Variants in CSF3R observed in about 807,000 individuals in gnomAD.
The protein encoded by CSF3R is colony stimulating factor 3 receptor.
In CSF3R, 52 loss-of-function variants were observed where a neutral mutation model predicts 84.4. The observed-to-expected ratio is 0.62, with a 90% CI of 0.49 to 0.78. CSF3R has a LOEUF of 0.78. Among genes scored for constraint, CSF3R ranks in the 30% least tolerant of loss-of-function variants. CSF3R has a pLI of 0.00. For synonymous variants in CSF3R, 384 were observed against 429.1 expected (o/e 0.89, Z 1.30); for missense variants, 890 against 1,055.7 (o/e 0.84, Z 2.17).
chr1:36,468,273 C>T lies in CSF3R; in HGVS notation c.1577-52G>A, dbSNP rs771115263. On this transcript the variant is annotated intron_variant, in intron 12 of 16. Transcript: ENST00000373106. ...TGAAGGGAGTGGGGCAGAGCAAGAGCCCGGTTGGACTTCTTGTGGCTTCCC... is the reference window on the plus strand; with the variant it reads ...TGAAGGGAGTGGGGCAGAGCAAGAGTCCGGTTGGACTTCTTGTGGCTTCCC... 4.6e-6 allele frequency: 7 copies of T among 1,514,992 alleles called. No homozygotes were observed. The East Asian group carries it at 6.8e-5, about 15-fold the overall frequency. The allele number at this position is 1,514,992 out of a possible 1,614,324, so 93.8% of individuals were successfully genotyped here. A position where few individuals can be genotyped will look rare whatever the true frequency, so the allele number is the denominator to read the frequency against.
chr1:36,471,634 C>G lies in CSF3R; in HGVS notation c.1084G>C (p.Glu362Gln). ...CCTTGGATCCGTCCGCTGTCTTCCT[C>G]CAGGGGCACTGGCTGTGGGGCACAG... ...VQLFWKPVPL[E>Q]EDSGRIQGYV... The change falls in exon 10 of 17, where the codon GAG (glutamate) becomes CAG (glutamine). Residue 362 changes from glutamate (E) to glutamine (Q), a missense_variant. Glu to Gln is a conservative substitution (Grantham distance 29, BLOSUM62 2). Transcript: ENST00000373106. 6.2e-7 allele frequency: 1 copy of G among 1,614,162 alleles called. No individual in the cohort carries two copies. Among genetic ancestry groups the G allele is most frequent in the Non-Finnish European group, 8.5e-7 (1 of 1,180,030 alleles).
At chr1:36,469,601 C>T (rs754914504) in intron 11 of CSF3R, 51 bp downstream of exon 11, 1 of 1,604,642 alleles carries the variant, frequency 6.2e-7, no homozygotes, top group African/African-American at 1.3e-5. Context: ...GTCAGATAAG[C>T]ACTGCCTCCC....
rs199774481 is a variant in CSF3R at position 36,469,759 on chromosome 1, G to C, written c.1367C>G (p.Pro456Arg). 1 of 1,614,204 alleles carries C rather than the reference G, an allele frequency of 6.2e-7. No individual in the cohort carries two copies. Among genetic ancestry groups the C allele is most frequent in the Non-Finnish European group, 8.5e-7 (1 of 1,180,026 alleles). Residue 456 changes from proline to arginine, a missense_variant, in exon 11 of 17, where the codon CCT becomes CGT. Physicochemically the swap from Pro to Arg is moderately radical, Grantham distance 103 (BLOSUM62 -2). Coordinates refer to ENST00000373106, the MANE Select transcript of CSF3R (RefSeq NM_000760.4). ...WVGWEPPNPW[P>R]QGYVIEWGLG... ...GCCCCACTCAATCACATAGCCCTGA[G>C]GCCATGGATTGGGGGGCTCCCAGCC...
At position 36,466,196 on chromosome 1, in the gene CSF3R, C is replaced by T. The variant is rs772443391; in HGVS notation, c.*161G>A. 67 of 1,614,120 alleles carry T rather than the reference C, an allele frequency of 4.2e-5. No homozygotes were observed. The highest frequency in any genetic ancestry group is 5.6e-5 in the Non-Finnish European group (66 of 1,180,026). On this transcript the variant is annotated 3_prime_UTR_variant, in exon 17 of 17. Coordinates refer to ENST00000373106, the MANE Select transcript of CSF3R (RefSeq NM_000760.4). This position sits in a 1 kb window ranked among gnomAD's most constrained non-coding sequence, Gnocchi z 4.6. ...AAAGTATGCAGATCGCCTGGGAGGC[C>T]CAGCCTATGGAGATTGGGAGGAGAG...
rs150616658 is a variant in CSF3R at position 36,472,663 on chromosome 1, G to T, written c.697C>A (p.Arg233=). The T allele has an allele frequency of 1.2e-6, 2 of 1,604,814 alleles. No individual in the cohort carries two copies. The highest frequency in any genetic ancestry group is 8.5e-7 in the Non-Finnish European group (1 of 1,174,608). The change falls in exon 7 of 17, where the codon CGG becomes AGG. Residue 233 remains arginine (R), a synonymous_variant. Transcript: ENST00000373106. The surrounding 1 kb of genome is among the most constrained non-coding windows in gnomAD (Gnocchi z 5.0). ...GCTTCAGGGCTGGGGTCCATGGTCC[G>T]CAGCATGGGGGGCTCCAGTTTCACT... The part of the protein sequence containing the change: ...DVVKLEPPML[R]TMDPSPEAAP...
At position 36,472,938 on chromosome 1, in the gene CSF3R, A is replaced by G; in HGVS notation, c.674-252T>C. 1.9e-6 allele frequency: 1 copy of G among 519,752 alleles called. No homozygotes were observed. The highest frequency in any genetic ancestry group is 3.3e-5 in the East Asian group (1 of 30,490). The allele number at this position is 519,752 out of a possible 1,614,324, so 32.2% of individuals were successfully genotyped here. On this transcript the variant is annotated intron_variant, in intron 6 of 16. Coordinates refer to ENST00000373106, the MANE Select transcript of CSF3R (RefSeq NM_000760.4). This position sits in a 1 kb window ranked among gnomAD's most constrained non-coding sequence, Gnocchi z 5.0. ...CAGATATCCAGCGGCTTGCTCCCTCATTTCCTTCAAGGATCTGCTCAATTG... is the reference window on the plus strand; with the variant it reads ...CAGATATCCAGCGGCTTGCTCCCTCGTTTCCTTCAAGGATCTGCTCAATTG...
chr1:36,467,685 T>G lies in CSF3R; in HGVS notation c.1865-34A>C. ...AGGGCAGGGCCGGAAGAAGTTAGAATGCATGTTGGGAAGGCTGGGTCTCCT... is the reference window on the plus strand; with the variant it reads ...AGGGCAGGGCCGGAAGAAGTTAGAAGGCATGTTGGGAAGGCTGGGTCTCCT... On this transcript the variant is annotated intron_variant, in intron 14 of 16. Transcript: ENST00000373106. The surrounding 1 kb of genome is among the most constrained non-coding windows in gnomAD (Gnocchi z 4.1). The G allele has an allele frequency of 6.2e-7, 1 of 1,613,048 alleles. No individual in the cohort carries two copies. Among genetic ancestry groups the G allele is most frequent in the Non-Finnish European group, 8.5e-7 (1 of 1,178,982 alleles).
Position 36,469,816 on chromosome 1 carries a change from G to A in CSF3R, c.1310C>T (p.Ala437Val), listed in dbSNP as rs1423477405. 1 of 1,613,966 alleles carries A rather than the reference G, an allele frequency of 6.2e-7. No homozygotes were observed. Among genetic ancestry groups the A allele is most frequent in the Non-Finnish European group, 8.5e-7 (1 of 1,180,046 alleles). ...GAGGCTGTGAGGGTCTCGGGCCATG[G>A]CATGGAGTCTGGTCAGAGCTGGGCC... ...SRGPALTRLH[A>V]MARDPHSLWV... Residue 437 changes from alanine to valine, a missense_variant, in exon 11 of 17, where the codon GCC (alanine) becomes GTC (valine). Ala to Val is a moderately conservative substitution (Grantham distance 64). Coordinates refer to ENST00000373106, the MANE Select transcript of CSF3R (RefSeq NM_000760.4).
rs766272961 is a variant in CSF3R, at chr1:36,469,175, A to G, written c.1557T>C (p.Tyr519=). 84 of 1,613,844 alleles carry G rather than the reference A, an allele frequency of 5.2e-5. No homozygotes were observed. The highest frequency in any genetic ancestry group is 7.0e-5 in the Non-Finnish European group (82 of 1,179,840). ...QDTMGPSQHV[Y]AYSQEMAPSH... ...ACAAACCCATTTCTTGAGAGTAGGCATAGACATGCTGGGAGGGTCCCATGG... is the reference window on the plus strand; with the variant it reads ...ACAAACCCATTTCTTGAGAGTAGGCGTAGACATGCTGGGAGGGTCCCATGG... Residue 519 remains tyrosine (Y), a synonymous_variant, in exon 12 of 17, where the codon TAT becomes TAC. Coordinates refer to ENST00000373106, the MANE Select transcript of CSF3R (RefSeq NM_000760.4).
Position 36,466,590 on chromosome 1 carries a change from T to A in CSF3R, c.2278A>T (p.Thr760Ser). Residue 760 changes from threonine (T) to serine (S), a missense_variant, in exon 17 of 17, where the codon ACA becomes TCA. Physicochemically the swap from Thr to Ser is moderately conservative, Grantham distance 58 (BLOSUM62 1). Transcript: ENST00000373106. The surrounding 1 kb of genome is among the most constrained non-coding windows in gnomAD (Gnocchi z 4.6). ...VLYGQLLGSP[T>S]SPGPGHYLRC... ...AGATAGTGCCCTGGCCCTGGGCTTG[T>A]GGGGCTGCCCAGCAGCTGCCCATAA... 6.2e-7 allele frequency: 1 copy of A among 1,612,396 alleles called. No individual in the cohort carries two copies. Among genetic ancestry groups the A allele is most frequent in the Non-Finnish European group, 8.5e-7 (1 of 1,178,822 alleles).
rs775763473 is a variant in CSF3R at position 36,466,875 on chromosome 1, G to T, written c.2041-48C>A. 6.2e-7 allele frequency: 1 copy of T among 1,613,782 alleles called. No individual in the cohort carries two copies. The highest frequency in any genetic ancestry group is 1.1e-5 in the South Asian group (1 of 91,086). Reference sequence around the variant, plus strand: ...AGAGCACGGCTCATTTCAGATGTCTGCCCCAGCCACTGTCCCTGTCTGGGT... The same window carrying T: ...AGAGCACGGCTCATTTCAGATGTCTTCCCCAGCCACTGTCCCTGTCTGGGT... On this transcript the variant is annotated intron_variant, in intron 16 of 16. Transcript: ENST00000373106. The surrounding 1 kb of genome is among the most constrained non-coding windows in gnomAD (Gnocchi z 4.6).
chr1:36,472,003 G>A lies in CSF3R; in HGVS notation c.1071+63C>T, dbSNP rs1453146152. On this transcript the variant is annotated intron_variant, in intron 9 of 16. Coordinates refer to ENST00000373106, the MANE Select transcript of CSF3R (RefSeq NM_000760.4). This position sits in a 1 kb window ranked among gnomAD's most constrained non-coding sequence, Gnocchi z 5.0. ...CTGTTGGAGTCCTAAGCCCCGGTTT[G>A]TAGGGATCTGTTTGGACTGCGGGAG... 3 of 1,533,890 alleles carry A rather than the reference G, an allele frequency of 2.0e-6. No homozygotes were observed. Among genetic ancestry groups the A allele is most frequent in the South Asian group, 1.1e-5 (1 of 89,122 alleles).
intron 11 of CSF3R, 41 bp from the exon 12 acceptor site, chr1:36,469,298 A>T: frequency 6.8e-7 from 1 of 1,479,884 alleles, no homozygotes; most frequent in Non-Finnish European, 9.4e-7. Flanking sequence ...GTTAGGGCCT[A>T]ACCTGTGCTA....
chr1:36,469,098 G>C (rs1386853321), intron 12 of CSF3R, 58 bp downstream of exon 12: 7 of 1,272,590 alleles, frequency 5.5e-6, no homozygotes, highest in Non-Finnish European at 8.0e-6. Flanking sequence ...TGGGGACCAG[G>C]CAGAGCCTTG....
chr1:36,471,536 G>A lies in CSF3R; in HGVS notation c.1182C>T (p.Ser394=). 1 of 1,614,280 alleles carries A rather than the reference G, an allele frequency of 6.2e-7. No individual in the cohort carries two copies. The highest frequency in any genetic ancestry group is 8.5e-7 in the Non-Finnish European group (1 of 1,180,046). ...CTTCTGAAGGCAGGTGGAAGGTGCA[G>A]CTGAGCTCTGTGGTGTTGCAGAGGG... ...ILPLCNTTEL[S]CTFHLPSEAQ... The change falls in exon 10 of 17, where the codon AGC becomes AGT. Residue 394 remains serine, a synonymous_variant. Coordinates refer to ENST00000373106, the MANE Select transcript of CSF3R (RefSeq NM_000760.4).
intron 2 of CSF3R, chr1:36,480,179 G>A (rs1451647955): frequency 6.2e-6 from 1 of 161,718 alleles, no homozygotes; most frequent in East Asian, 1.8e-4. Flanking sequence ...GCACATCCAG[G>A]TTGGGCATGC....
At chr1:36,475,706 C>T in intron 3 of CSF3R, 33 bp from the exon 4 acceptor site, 1 of 1,592,864 alleles carries the variant, frequency 6.3e-7, no homozygotes, top group South Asian at 1.1e-5. Flanking sequence ...AGGAACGACG[C>T]CTCTGCCTAG....
In CSF3R at chr1:36,479,460, C is replaced by A; in HGVS notation, c.37G>T (p.Ala13Ser). Residue 13 changes from alanine (A) to serine (S), a missense_variant, in exon 3 of 17, where the codon GCC becomes TCC. Physicochemically the swap from Ala to Ser is moderately conservative, Grantham distance 99. Transcript: ENST00000373106. ...CCGGGGAGCAGCAGGATGATCAGGG[C>A]AGCCCAAGTCAGGCTGCAGTTTCCC... Reference protein sequence around the residue: ...RLGNCSLTWAALIILLLPGSL... With the variant: ...RLGNCSLTWASLIILLLPGSL... The A allele has an allele frequency of 6.2e-7, 1 of 1,614,214 alleles. No individual in the cohort carries two copies. Among genetic ancestry groups the A allele is most frequent in the Non-Finnish European group, 8.5e-7 (1 of 1,180,038 alleles).
At position 36,467,747 on chromosome 1, in the gene CSF3R, A is replaced by G; in HGVS notation, c.1864+75T>C. On this transcript the variant is annotated intron_variant, in intron 14 of 16. Transcript: ENST00000373106. This position sits in a 1 kb window ranked among gnomAD's most constrained non-coding sequence, Gnocchi z 4.1. ...GGGGATTCAAAGTCAGTCCCCAGCT[A>G]CTCTCAAAATCAGCATCCTTTGGGT... 1 of 1,612,868 alleles carries G rather than the reference A, an allele frequency of 6.2e-7. No individual in the cohort carries two copies. The highest frequency in any genetic ancestry group is 8.5e-7 in the Non-Finnish European group (1 of 1,178,892).
Sources: allele counts gnomAD v4.1 joint callset, GRCh38; gene constraint gnomAD v4.1.1; non-coding constraint Gnocchi (gnomAD v3.1); transcripts MANE v1.5; gene names NCBI Gene and HGNC (gene_info 2026-07-23, HGNC 2026-07-21).